The following PDZD8 variants were observed in gnomAD, a reference collection of about 807,000 sequenced individuals.
PDZD8 encodes the protein PDZ domain-containing protein 8.
Under a neutral mutation model 85.8 loss-of-function variants are expected in PDZD8, and 14 were observed. That is an observed-to-expected ratio of 0.16 (90% confidence interval 0.11 to 0.26). The LOEUF is 0.26. Ranked by LOEUF, PDZD8 falls within the 10% of genes least tolerant of loss-of-function variation. The pLI, the probability that PDZD8 is intolerant of heterozygous loss-of-function variation, is 1.00. For synonymous variants in PDZD8, 592 were observed against 568.6 expected, an observed-to-expected ratio of 1.04 and a Z score of -0.59; for missense variants, 1,197 against 1,424.3, an observed-to-expected ratio of 0.84 and a Z score of 2.57.
chr10:117,315,755 C>A (rs531871368), intron 3 of PDZD8, among the ~76,000 whole-genome samples: 2 of 151,946 alleles, frequency 1.3e-5, no homozygotes, highest in African/African-American at 4.8e-5. Context: ...TGTTCTGTGG[C>A]GCTAACCAGG....
intron 1 of PDZD8, among the ~76,000 whole-genome samples, chr10:117,368,851 G>GT (rs3034161): frequency 0.042 from 4,193 of 98,744 alleles, 264 homozygotes; most frequent in Non-Finnish European, 0.059. Flanking sequence ...TATTGACAAT[G>GT]TTTTTTTTTT....
rs1219095895 is a variant in PDZD8, at chr10:117,280,609, C to CTA, written c.*2657_*2658dup. The CTA allele has an allele frequency of 6.6e-6, 1 of 152,152 alleles. No individual in the cohort carries two copies. The highest frequency in any genetic ancestry group is 1.5e-5 in the Non-Finnish European group (1 of 68,018). The allele number at this position is 152,152 out of a possible 1,614,324, so 9.4% of individuals were successfully genotyped here. A position where few individuals can be genotyped will look rare whatever the true frequency, so the allele number is the denominator to read the frequency against. ...TTTTTCATTGAAGCTTTGTACCTTA[C>CTA]TATACTCTAGGCTATTTGGAGTGTT... On this transcript the variant is annotated 3_prime_UTR_variant, in exon 5 of 5. Coordinates refer to ENST00000334464, the MANE Select transcript of PDZD8 (RefSeq NM_173791.5).
chr10:117,315,598 A>C (rs896136120), intron 3 of PDZD8, among the ~76,000 whole-genome samples: 137 of 144,670 alleles, frequency 9.5e-4, no homozygotes, highest in African/African-American at 1.4e-3. Flanking sequence ...AAAAAAAAAA[A>C]AAAAAAAAAA....
Position 117,341,805 on chromosome 10 carries a change from C to G in PDZD8, c.873-703G>C, listed in dbSNP as rs536701525. 7.9e-5 allele frequency among the ~76,000 whole-genome samples: 12 copies of G among 152,260 alleles called. No homozygotes were observed. In the South Asian group the frequency reaches 1.2e-3, roughly 16 times the overall value. ...CCCATGGATGTGGAGCCCACGAATACAGAGAGCTGACTATTACAGACAGTG... is the reference window on the plus strand; with the variant it reads ...CCCATGGATGTGGAGCCCACGAATAGAGAGAGCTGACTATTACAGACAGTG... On this transcript the variant is annotated intron_variant, in intron 1 of 4. Transcript: ENST00000334464.
chr10:117,302,195 TCA>T (rs764420319), intron 3 of PDZD8, among the ~76,000 whole-genome samples: 2 of 152,182 alleles, frequency 1.3e-5, no homozygotes, highest in Non-Finnish European at 2.9e-5. Flanking sequence ...CATGGGACCC[TCA>T]ACTACTTGGA....
intron 1 of PDZD8, among the ~76,000 whole-genome samples, chr10:117,355,065 T>C (rs891647274): frequency 6.6e-6 from 1 of 152,236 alleles, no homozygotes; most frequent in Admixed American, 6.5e-5. Context: ...TCTGTGTTGG[T>C]AAATTATGAA....
At position 117,284,564 on chromosome 10, in the gene PDZD8, C is replaced by T; in HGVS notation, c.2169G>A (p.Leu723=). 1.2e-6 allele frequency: 2 copies of T among 1,614,144 alleles called. No individual in the cohort carries two copies. The highest frequency in any genetic ancestry group is 1.7e-6 in the Non-Finnish European group (2 of 1,180,034). The change falls in exon 5 of 5, where the codon TTG becomes TTA. Residue 723 remains leucine (L), a synonymous_variant. Coordinates refer to ENST00000334464, the MANE Select transcript of PDZD8 (RefSeq NM_173791.5). The stretch of plus-strand genomic sequence containing the variant: ...CATGCCCCAAACAGATGAGACCTCC[C>T]AACTTGAAAGGATCCCTGCACCACA... ...IALWCRDPFK[L]GGLICLGHVS... is the part of the protein sequence containing the mutation.
chr10:117,309,388 A>G (rs190190068), intron 3 of PDZD8, among the ~76,000 whole-genome samples: 68 of 49,770 alleles, frequency 1.4e-3, no homozygotes, highest in Admixed American at 3.9e-3. Flanking sequence ...TAACAGCAGT[A>G]AAAATTAAAA....
At chr10:117,325,401 CAA>C (rs1187443376) in intron 2 of PDZD8, among the ~76,000 whole-genome samples, 1 of 29,068 alleles carries the variant, frequency 3.4e-5, no homozygotes, top group Non-Finnish European at 8.2e-5. Context: ...CCAGAAAAGC[CAA>C]CTTTTTTTTT....
intron 1 of PDZD8, among the ~76,000 whole-genome samples, chr10:117,346,803 G>A (rs933240949): frequency 1.3e-5 from 2 of 151,828 alleles, no homozygotes; most frequent in African/African-American, 4.8e-5. Flanking sequence ...CATCATGGCC[G>A]CCGCCAGGTG....
At chr10:117,346,098 GGGCGTGGT>G (rs1564707652) in intron 1 of PDZD8, among the ~76,000 whole-genome samples, 1 of 151,608 alleles carries the variant, frequency 6.6e-6, no homozygotes, top group Admixed American at 6.6e-5. Context: ...AAAATTAGCC[GGGCGTGGT>G]GGCATGCACC....
chr10:117,289,019 AATG>A (rs1338656756), intron 4 of PDZD8, among the ~76,000 whole-genome samples: 2 of 152,212 alleles, frequency 1.3e-5, no homozygotes, highest in African/African-American at 4.8e-5. Context: ...TAATATAATG[AATG>A]ATGTCTATTT....
Position 117,282,133 on chromosome 10 carries a change from C to T in PDZD8, c.*1135G>A, listed in dbSNP as rs1589991277. ...AATGAATACTCACTACAGAAGTATT[C>T]AGAATGATCACCATTCCTTTACAAC... is the stretch of plus-strand genomic sequence containing the variant. On this transcript the variant is annotated 3_prime_UTR_variant, in exon 5 of 5. Coordinates refer to ENST00000334464, the MANE Select transcript of PDZD8 (RefSeq NM_173791.5). 2 of 152,266 alleles carry T rather than the reference C, an allele frequency of 1.3e-5. No individual in the cohort carries two copies. Among genetic ancestry groups the T allele is most frequent in the East Asian group, 3.9e-4 (2 of 5,178 alleles). The allele number at this position is 152,266 out of a possible 1,614,324, so 9.4% of individuals were successfully genotyped here.
intron 2 of PDZD8, among the ~76,000 whole-genome samples, chr10:117,333,095 G>C (rs1011307928): frequency 3.2e-5 from 4 of 126,432 alleles, no homozygotes; most frequent in Admixed American, 2.9e-4. Flanking sequence ...CTCCAGCCTG[G>C]ACAGCAGAGT....
rs1424354913 is a variant in PDZD8, at chr10:117,284,472, T to C, written c.2261A>G (p.Lys754Arg). The C allele has an allele frequency of 6.2e-7, 1 of 1,614,160 alleles. No homozygotes were observed. ...AGGTGAGGGGGCTTCCAGTCTCAAT[T>C]TGGAAAGGTATTCCGTGTTTGATGT... ...LATSNTEYLSKLRLEAPSPKA... is the reference protein window; with the variant it reads ...LATSNTEYLSRLRLEAPSPKA... Residue 754 changes from lysine to arginine, a missense_variant, in exon 5 of 5, where the codon AAA becomes AGA. By Grantham distance (26) the Lys-to-Arg change is conservative. Transcript: ENST00000334464.
At chr10:117,361,172 A>AC (rs1190320658) in intron 1 of PDZD8, among the ~76,000 whole-genome samples, 26 of 151,984 alleles carry the variant, frequency 1.7e-4, no homozygotes, top group African/African-American at 6.3e-4. Context: ...TAGACTGCCA[A>AC]CCCCTCAAAG....
chr10:117,355,375 A>G (rs908336601), intron 1 of PDZD8, among the ~76,000 whole-genome samples: 2 of 152,144 alleles, frequency 1.3e-5, no homozygotes, highest in Admixed American at 6.5e-5. Flanking sequence ...CTGTTTTACT[A>G]CTAGCCATAC....
At chr10:117,315,595 A>AC (rs1844112128) in intron 3 of PDZD8, among the ~76,000 whole-genome samples, 1 of 142,366 alleles carries the variant, frequency 7.0e-6, no homozygotes, top group Non-Finnish European at 1.6e-5. Context: ...CTCAAAAAAA[A>AC]AAAAAAAAAA....
chr10:117,367,872 A>C (rs973727272), intron 1 of PDZD8, among the ~76,000 whole-genome samples: 3 of 152,092 alleles, frequency 2.0e-5, no homozygotes, highest in Non-Finnish European at 4.4e-5. Context: ...GTGAGCCGAG[A>C]TCATGCACCT....
Sources: gnomAD v4.1 joint callset for allele counts (sites outside exome capture counted in the v4.1 genomes callset) on GRCh38, gnomAD v4.1.1 for gene constraint, MANE v1.5 for transcripts, NCBI Gene and HGNC (gene_info 2026-07-23, HGNC 2026-07-21) for gene names.